Variants in CNTNAP5 observed in about 807,000 individuals in gnomAD.
CNTNAP5 encodes contactin associated protein family member 5.
In CNTNAP5, 72 loss-of-function variants were observed where a neutral mutation model predicts 150.2. The ratio of observed to expected loss-of-function variants is 0.48; its 90% CI spans 0.40 to 0.58. The LOEUF (loss-of-function observed/expected upper bound fraction) is 0.58, where lower values mean the gene tolerates loss of function less well. CNTNAP5 is among the 20% of genes least tolerant of loss of function. The pLI is 0.00. For missense variants in CNTNAP5, 1,636 were observed against 1,626.2 expected (o/e 1.01, Z -0.10); for synonymous variants, 672 against 619.8 (o/e 1.08, Z -1.25).
chr2:124,707,204 G>GAAGAAGAAGAATAAT (rs1010621414), intron 13 of CNTNAP5, among the ~76,000 whole-genome samples: 13 of 142,614 alleles, frequency 9.1e-5, no homozygotes, highest in Non-Finnish European at 1.5e-4. Context: ...AGAAGAAGAA[G>GAAGAAGAAGAATAAT]AATAAACAAC....
intron 13 of CNTNAP5, among the ~76,000 whole-genome samples, chr2:124,661,450 C>T (rs554581306): frequency 6.6e-6 from 1 of 152,240 alleles, no homozygotes; most frequent in Non-Finnish European, 1.5e-5. Context: ...TCTATCTCCA[C>T]ATCTTGTCCC....
intron 1 of CNTNAP5, among the ~76,000 whole-genome samples, chr2:124,198,338 C>A (rs1685640139): frequency 6.6e-6 from 1 of 151,964 alleles, no homozygotes. Context: ...CAATCTGTGG[C>A]CTAGATTTTT....
At chr2:124,798,421 C>T (rs1272350752) in intron 19 of CNTNAP5, 101 bp downstream of exon 19, 1 of 806,728 alleles carries the variant, frequency 1.2e-6, no homozygotes, top group Non-Finnish European at 2.0e-6. Flanking sequence ...AAGTTGGTCC[C>T]ATCTGGGAAG....
At chr2:124,105,362 G>T (rs1683151199) in intron 1 of CNTNAP5, among the ~76,000 whole-genome samples, 1 of 152,134 alleles carries the variant, frequency 6.6e-6, no homozygotes, top group Non-Finnish European at 1.5e-5. Context: ...ATTTCTAGAA[G>T]TGTTATTGCT....
At chr2:124,448,967 G>A (rs1692896973) in intron 6 of CNTNAP5, among the ~76,000 whole-genome samples, 2 of 152,190 alleles carry the variant, frequency 1.3e-5, no homozygotes, top group African/African-American at 4.8e-5. Flanking sequence ...GTGTTCCTGT[G>A]TCCCACCTTG....
rs773404457 is a variant in CNTNAP5, at chr2:124,647,751, T to C, written c.1877-7T>C. The stretch of plus-strand genomic sequence containing the variant: ...GTCTCTTGCTTTGTGTTGTGTTGTC[T>C]GGGCAGAGGACAAGATCTGGACATC... On this transcript the variant is annotated splice_region_variant and splice_polypyrimidine_tract_variant and intron_variant, in intron 12 of 23. Transcript: ENST00000682447. 3 of 1,583,032 alleles carry C rather than the reference T, an allele frequency of 1.9e-6. No homozygotes were observed. The highest frequency in any genetic ancestry group is 2.3e-5 in the South Asian group (2 of 88,372).
intron 1 of CNTNAP5, among the ~76,000 whole-genome samples, chr2:124,213,074 G>C (rs903465330): frequency 5.9e-5 from 9 of 151,926 alleles, no homozygotes; most frequent in Middle Eastern, 3.2e-3. Flanking sequence ...TCCCAACCTC[G>C]TGATCCGCCT....
rs146389607 is a variant in CNTNAP5, at chr2:124,480,120, G to T, written c.1062+5238G>T. ...TAAAAGTTGATTGGAGATAGCTCCT[G>T]TTCTTTCCTGAATCTGAGTTTCTGT... On this transcript the variant is annotated intron_variant, in intron 7 of 23. Coordinates refer to ENST00000682447, the MANE Select transcript of CNTNAP5 (RefSeq NM_001367498.1). 2.0e-4 allele frequency among the ~76,000 whole-genome samples: 31 copies of T among 152,302 alleles called. No individual in the cohort carries two copies. The East Asian group carries it at 6.0e-3, about 29-fold the overall frequency.
chr2:124,502,183 G>A (rs374596097), intron 7 of CNTNAP5, among the ~76,000 whole-genome samples: 13 of 152,184 alleles, frequency 8.5e-5, no homozygotes, highest in African/African-American at 3.1e-4. Context: ...TTGCTCTGGA[G>A]AACCAATCCA....
rs117582784 is a variant in CNTNAP5, at chr2:124,486,986, T to C, written c.1062+12104T>C. The stretch of plus-strand genomic sequence containing the variant: ...TTCATATTTAACCTAAAAATTGTTT[T>C]ACATAGCTTATTCTTTTCCGCTGAA... On this transcript the variant is annotated intron_variant, in intron 7 of 23. Transcript: ENST00000682447. Among the ~76,000 whole-genome samples the C allele has an allele frequency of 5.8e-4, 88 of 152,328 alleles. 1 individual carries two copies. Among genetic ancestry groups the C allele is most frequent in the East Asian group, 5.2e-3 (27 of 5,188 alleles).
At chr2:124,061,170 TA>T (rs1214168258) in intron 1 of CNTNAP5, among the ~76,000 whole-genome samples, 2 of 152,180 alleles carry the variant, frequency 1.3e-5, no homozygotes, top group Non-Finnish European at 2.9e-5. Flanking sequence ...TGTGCCCCAT[TA>T]AACAAAGCCT....
chr2:124,452,964 T>C (rs1693024924), intron 6 of CNTNAP5, among the ~76,000 whole-genome samples: 1 of 152,052 alleles, frequency 6.6e-6, no homozygotes, highest in Non-Finnish European at 1.5e-5. Context: ...GACAAAACAA[T>C]GTTCTTTAAC....
intron 12 of CNTNAP5, among the ~76,000 whole-genome samples, chr2:124,611,007 T>TA (rs1677373163): frequency 6.9e-6 from 1 of 145,246 alleles, no homozygotes; most frequent in South Asian, 2.4e-4. Context: ...TGAGCATCAT[T>TA]AATTGGCACA....
At chr2:124,089,933 T>A (rs1479272072) in intron 1 of CNTNAP5, among the ~76,000 whole-genome samples, 1 of 152,248 alleles carries the variant, frequency 6.6e-6, no homozygotes, top group Non-Finnish European at 1.5e-5. Flanking sequence ...AGTGCACATA[T>A]GTCATTATGA....
chr2:124,421,087 T>C (rs536930377), intron 4 of CNTNAP5, among the ~76,000 whole-genome samples: 1 of 152,304 alleles, frequency 6.6e-6, no homozygotes, highest in East Asian at 1.9e-4. Flanking sequence ...TATCTCAGTT[T>C]GCTAATTGGC....
intron 13 of CNTNAP5, among the ~76,000 whole-genome samples, chr2:124,732,396 G>A (rs1680290212): frequency 6.6e-6 from 1 of 152,034 alleles, no homozygotes; most frequent in African/African-American, 2.4e-5. Flanking sequence ...CAGTGTGATG[G>A]CATAAGAAGG....
chr2:124,669,764 T>A (rs1482643348), intron 13 of CNTNAP5, among the ~76,000 whole-genome samples: 1 of 152,236 alleles, frequency 6.6e-6, no homozygotes, highest in Middle Eastern at 3.2e-3. Flanking sequence ...TTATCCTTGG[T>A]TCCTCTCTTT....
At chr2:124,743,865 T>TA (rs1303680716) in intron 13 of CNTNAP5, among the ~76,000 whole-genome samples, 14 of 152,192 alleles carry the variant, frequency 9.2e-5, no homozygotes, top group East Asian at 5.8e-4. Flanking sequence ...CCATAGATTC[T>TA]AAAAAAATGC....
At chr2:124,731,311 T>TA (rs1680265432) in intron 13 of CNTNAP5, among the ~76,000 whole-genome samples, 1 of 152,160 alleles carries the variant, frequency 6.6e-6, no homozygotes, top group African/African-American at 2.4e-5. Flanking sequence ...GGTATTTATT[T>TA]AAAAGGTTCT....
Sources: gnomAD v4.1 joint callset for allele counts (sites outside exome capture counted in the v4.1 genomes callset) on GRCh38, gnomAD v4.1.1 for gene constraint, MANE v1.5 for transcripts, NCBI Gene and HGNC (gene_info 2026-07-23, HGNC 2026-07-21) for gene names.